Variants in SPATA17 observed in about 807,000 individuals in gnomAD.
The protein encoded by SPATA17 is spermatogenesis-associated protein 17.
Under a neutral mutation model 62.2 loss-of-function variants are expected in SPATA17, and 53 were observed. The ratio of observed to expected loss-of-function variants is 0.85; its 90% CI spans 0.68 to 1.07. SPATA17 has a LOEUF of 1.07. Among genes scored for constraint, SPATA17 ranks in the 50% least tolerant of loss-of-function variants. The pLI is 0.00. For synonymous variants in SPATA17, 146 were observed against 146.8 expected, an observed-to-expected ratio of 0.99 and a Z score of 0.04; for missense variants, 466 against 425.5, an observed-to-expected ratio of 1.10 and a Z score of -0.84.
chr1:217,835,382 A>T (rs1047684154), intron 9 of SPATA17, among the ~76,000 whole-genome samples: 1 of 152,184 alleles, frequency 6.6e-6, no homozygotes, highest in Non-Finnish European at 1.5e-5. Context: ...CTGCTTATAT[A>T]GAAATTAACA....
intron 9 of SPATA17, among the ~76,000 whole-genome samples, chr1:217,814,181 T>C (rs1402866037): frequency 6.6e-6 from 1 of 152,238 alleles, no homozygotes; most frequent in Non-Finnish European, 1.5e-5. Flanking sequence ...TTGCATTTGA[T>C]TCTAAAATAT....
intron 9 of SPATA17, among the ~76,000 whole-genome samples, chr1:217,853,854 T>C (rs1221754797): frequency 6.6e-6 from 1 of 152,214 alleles, no homozygotes. Context: ...GTATGTTCTC[T>C]ACATTACACT....
At chr1:217,657,227 C>T (rs527440709) in intron 3 of SPATA17, among the ~76,000 whole-genome samples, 1 of 152,166 alleles carries the variant, frequency 6.6e-6, no homozygotes, top group Non-Finnish European at 1.5e-5. Context: ...GTTTTAGCCA[C>T]CTCCCAGAAG....
chr1:217,677,616 G>T (rs528882228), intron 4 of SPATA17, among the ~76,000 whole-genome samples: 91 of 152,094 alleles, frequency 6.0e-4, no homozygotes, highest in Admixed American at 9.2e-4. Context: ...AGAAAAGAAG[G>T]GGCCATCTGG....
At chr1:217,733,421 G>T (rs1212042468) in intron 5 of SPATA17, among the ~76,000 whole-genome samples, 1 of 152,120 alleles carries the variant, frequency 6.6e-6, no homozygotes, top group Non-Finnish European at 1.5e-5. Flanking sequence ...CTTGCTCGTT[G>T]TTCAGTTCCC....
intron 4 of SPATA17, among the ~76,000 whole-genome samples, 176 bp from the exon 5 acceptor site, chr1:217,683,082 A>T (rs569014066): frequency 3.2e-4 from 48 of 152,072 alleles, no homozygotes; most frequent in Middle Eastern, 3.4e-3. Context: ...AATATTTCAT[A>T]AAAAATTTAT....
intron 3 of SPATA17, among the ~76,000 whole-genome samples, chr1:217,652,301 G>A (rs930795019): frequency 3.9e-5 from 6 of 152,108 alleles, no homozygotes; most frequent in Non-Finnish European, 7.3e-5. Flanking sequence ...GCACGATTTC[G>A]TCTCACCGCA....
chr1:217,793,969 A>T (rs940766554), intron 8 of SPATA17, among the ~76,000 whole-genome samples: 1 of 151,940 alleles, frequency 6.6e-6, no homozygotes, highest in Non-Finnish European at 1.5e-5. Flanking sequence ...GCAAAAAATT[A>T]GTTGGGTGTG....
At chr1:217,861,533 T>G (rs1172628194) in intron 9 of SPATA17, among the ~76,000 whole-genome samples, 2 of 152,140 alleles carry the variant, frequency 1.3e-5, no homozygotes, top group Admixed American at 6.6e-5. Flanking sequence ...ATGAACAATT[T>G]ACTATTGCAA....
intron 1 of SPATA17, among the ~76,000 whole-genome samples, chr1:217,644,472 T>G (rs1670136029): frequency 1.3e-5 from 2 of 152,116 alleles, no homozygotes; most frequent in Non-Finnish European, 2.9e-5. Context: ...ATTCCCACTG[T>G]CTAAAATAGT....
chr1:217,822,461 T>C (rs1026556181), intron 9 of SPATA17, among the ~76,000 whole-genome samples: 20 of 151,344 alleles, frequency 1.3e-4, no homozygotes, highest in Non-Finnish European at 2.2e-4. Context: ...CCTTTAGGTA[T>C]AGATTTTGTT....
At chr1:217,827,302 T>A (rs1412391211) in intron 9 of SPATA17, among the ~76,000 whole-genome samples, 2 of 152,106 alleles carry the variant, frequency 1.3e-5, no homozygotes, top group Non-Finnish European at 2.9e-5. Context: ...ATCCTATGTT[T>A]ATGCAAAGGA....
At chr1:217,664,121 GTTTTGAGAATA>G (rs1218585882) in intron 3 of SPATA17, among the ~76,000 whole-genome samples, 3 of 152,024 alleles carry the variant, frequency 2.0e-5, no homozygotes, top group African/African-American at 4.8e-5. Flanking sequence ...TCTGGAGCAT[GTTTTGAGAATA>G]TAAGGCTAAA....
At chr1:217,815,752 TA>T (rs1353664037) in intron 9 of SPATA17, among the ~76,000 whole-genome samples, 1 of 152,168 alleles carries the variant, frequency 6.6e-6, no homozygotes, top group Non-Finnish European at 1.5e-5. Context: ...CCAGAGAAGA[TA>T]TTCTTCCTCA....
chr1:217,720,445 AT>A (rs951397129), intron 5 of SPATA17, among the ~76,000 whole-genome samples: 1 of 151,760 alleles, frequency 6.6e-6, no homozygotes, highest in African/African-American at 2.4e-5. Flanking sequence ...TTCTTCTTCC[AT>A]TTTTTTTCTT....
At chr1:217,790,058 T>C (rs1673962475) in intron 8 of SPATA17, among the ~76,000 whole-genome samples, 2 of 151,970 alleles carry the variant, frequency 1.3e-5, no homozygotes, top group Non-Finnish European at 2.9e-5. Flanking sequence ...AAAGTAAAAT[T>C]GGAGGTGAAT....
At chr1:217,671,263 C>G (rs1670826267) in intron 4 of SPATA17, among the ~76,000 whole-genome samples, 1 of 152,136 alleles carries the variant, frequency 6.6e-6, no homozygotes, top group Non-Finnish European at 1.5e-5. Flanking sequence ...GAACATTGGC[C>G]TGCATGTAGC....
chr1:217,729,628 A>C (rs1672348899), intron 5 of SPATA17, among the ~76,000 whole-genome samples: 4 of 152,204 alleles, frequency 2.6e-5, no homozygotes, highest in Admixed American at 2.0e-4. Flanking sequence ...CAATAATTAT[A>C]GTAATTAATT....
intron 1 of SPATA17, among the ~76,000 whole-genome samples, chr1:217,634,897 T>TTTGTTGTTGTTG (rs140552696): frequency 1.3e-5 from 2 of 149,946 alleles, no homozygotes; most frequent in Admixed American, 1.3e-4. Flanking sequence ...TATTGGCCTT[T>TTTGTTGTTGTTG]TTGTTGTTGT....
Sources: gnomAD v4.1 joint callset for allele counts (sites outside exome capture counted in the v4.1 genomes callset) on GRCh38, gnomAD v4.1.1 for gene constraint, MANE v1.5 for transcripts, NCBI Gene and HGNC (gene_info 2026-07-23, HGNC 2026-07-21) for gene names.